ANKRD18A: variants seen among roughly 807,000 people sequenced by gnomAD.
The protein encoded by ANKRD18A is ankyrin repeat domain-containing protein 18A.
ANKRD18A carries 72 observed loss-of-function variants against 110.6 expected under a neutral mutation model. The observed-to-expected ratio is 0.65, with a 90% confidence interval of 0.54 to 0.79. The LOEUF (loss-of-function observed/expected upper bound fraction) is 0.79, where lower values mean the gene tolerates loss of function less well. ANKRD18A is among the 30% of genes least tolerant of loss of function. The pLI, the probability that ANKRD18A is intolerant of heterozygous loss-of-function variation, is 0.00. For missense variants in ANKRD18A, 934 were observed against 1,163.3 expected (o/e 0.80, Z 2.87); for synonymous variants, 305 against 410.3 (o/e 0.74, Z 3.10).
chr9:38,598,621 A>C lies in ANKRD18A; in HGVS notation c.937-2218T>G, dbSNP rs149882718. ...CATATCTTGCTGTAAGTCTTCTTCT[A>C]GACATGCTTTTGATGTTCTGTCATC... On this transcript the variant is annotated intron_variant, in intron 8 of 15. Coordinates refer to ENST00000399703, the MANE Select transcript of ANKRD18A (RefSeq NM_147195.4). Among the ~76,000 whole-genome samples, 819 of 152,314 alleles carry C rather than the reference A, an allele frequency of 5.4e-3. 7 individuals are homozygous for C. The highest frequency in any genetic ancestry group is 7.2e-3 in the Non-Finnish European group (487 of 68,008).
In ANKRD18A at chr9:38,620,180, G is replaced by T. The variant is rs1185520388; in HGVS notation, c.106C>A (p.Arg36=). ...PGYDIRDWEL[R]KIHRAAIKGD... is the part of the protein sequence containing the mutation. ...TTGATGGCAGCCCTGTGGATCTTCC[G>T]CAGTTCCCAGTCCCGAATGTCGTAA... Residue 36 remains arginine (R), a synonymous_variant, in exon 1 of 16, where the codon CGG becomes AGG. Transcript: ENST00000399703. 5.1e-6 allele frequency: 8 copies of T among 1,561,648 alleles called. No individual in the cohort carries two copies. The African/African-American group carries it at 6.8e-5, about 13-fold the overall frequency.
At chr9:38,567,267 A>G (rs1444707820), downstream of ANKRD18A, 1 of 152,228 alleles carries the variant, frequency 6.6e-6, no homozygotes. Context: ...CCGAGTTTCA[A>G]TTGAGAACAA....
chr9:38,594,082 G>A (rs1326650674), intron 9 of ANKRD18A, among the ~76,000 whole-genome samples, 173 bp from the exon 10 acceptor site: 1 of 152,272 alleles, frequency 6.6e-6, no homozygotes, highest in Non-Finnish European at 1.5e-5. Flanking sequence ...GGACATAGAA[G>A]GTGTTATATT....
chr9:38,592,972 G>C (rs115805555), intron 10 of ANKRD18A, among the ~76,000 whole-genome samples: 6,273 of 152,270 alleles, frequency 0.041, 210 homozygotes, highest in African/African-American at 0.094. Context: ...AGAGATGTAG[G>C]GTTGCTTTTC....
Position 38,620,194 on chromosome 9 carries a change from C to G in ANKRD18A, c.92G>C (p.Arg31Pro). Residue 31 changes from arginine to proline, a missense_variant, in exon 1 of 16, where the codon CGG becomes CCG. Around this residue, in one of 4 missense-constraint regions of ANKRD18A, gnomAD observed 630 missense variants for 797.5 expected, o/e 0.79. Coordinates refer to ENST00000399703, the MANE Select transcript of ANKRD18A (RefSeq NM_147195.4). ...QEYAGPGYDIRDWELRKIHRA... is the reference protein window; with the variant it reads ...QEYAGPGYDIPDWELRKIHRA... ...GTGGATCTTCCGCAGTTCCCAGTCC[C>G]GAATGTCGTAACCCGGACCCGCATA... 6.4e-7 allele frequency: 1 copy of G among 1,555,678 alleles called. No homozygotes were observed. The highest frequency in any genetic ancestry group is 8.7e-7 in the Non-Finnish European group (1 of 1,149,280).
chr9:38,567,295 C>T (rs1288261794), downstream of ANKRD18A: 1 of 152,194 alleles, frequency 6.6e-6, no homozygotes, highest in Non-Finnish European at 1.5e-5. Flanking sequence ...CTTGTACTAC[C>T]GCCAATACCT....
chr9:38,596,406 A>G lies in ANKRD18A; in HGVS notation c.937-3T>C. 7.0e-7 allele frequency: 1 copy of G among 1,433,886 alleles called. No individual in the cohort carries two copies. The highest frequency in any genetic ancestry group is 9.1e-7 in the Non-Finnish European group (1 of 1,093,226). 88.8% of individuals were successfully genotyped at this position (1,433,886 alleles called of 1,614,324 possible). On this transcript the variant is annotated splice_polypyrimidine_tract_variant and splice_region_variant and intron_variant, in intron 8 of 15. Coordinates refer to ENST00000399703, the MANE Select transcript of ANKRD18A (RefSeq NM_147195.4). ...TTTTTTCCGTAACTTTGAGAATCCT[A>G]AATAAAACAAAACAAATTTTTAGTT...
At chr9:38,612,880 C>A (rs1292878064) in intron 3 of ANKRD18A, among the ~76,000 whole-genome samples, 2 of 151,770 alleles carry the variant, frequency 1.3e-5, no homozygotes, top group East Asian at 3.9e-4. Flanking sequence ...TATTCATAAT[C>A]TATCCACTTC....
intron 13 of ANKRD18A, among the ~76,000 whole-genome samples, chr9:38,577,573 G>T (rs1823950977): frequency 6.6e-6 from 1 of 152,012 alleles, no homozygotes; most frequent in Admixed American, 6.6e-5. Flanking sequence ...CAATTCAAAA[G>T]TATCATATAA....
intron 5 of ANKRD18A, among the ~76,000 whole-genome samples, chr9:38,609,135 G>C (rs1825485733): frequency 6.6e-6 from 1 of 152,190 alleles, no homozygotes; most frequent in Non-Finnish European, 1.5e-5. Flanking sequence ...CTCGCTGCCA[G>C]AGCAGGGTGC....
rs1366214469 is a variant in ANKRD18A, at chr9:38,571,581, A to C, written c.*464T>G. Reference sequence around the variant, plus strand: ...GCTACAAGAAGAAAACCGTAACACTAGTATGGACAAACCTGGCAGATACTC... The same window carrying C: ...GCTACAAGAAGAAAACCGTAACACTCGTATGGACAAACCTGGCAGATACTC... On this transcript the variant is annotated 3_prime_UTR_variant, in exon 16 of 16. Coordinates refer to ENST00000399703, the MANE Select transcript of ANKRD18A (RefSeq NM_147195.4). The C allele has an allele frequency of 7.9e-6, 8 of 1,009,578 alleles. No individual in the cohort carries two copies. Among genetic ancestry groups the C allele is most frequent in the Non-Finnish European group, 9.5e-6 (8 of 844,988 alleles). 62.5% of individuals were successfully genotyped at this position (1,009,578 alleles called of 1,614,324 possible). A position where few individuals can be genotyped will look rare whatever the true frequency, so the allele number is the denominator to read the frequency against.
intron 15 of ANKRD18A, among the ~76,000 whole-genome samples, chr9:38,574,303 T>A (rs1324277149): frequency 1.3e-5 from 2 of 152,256 alleles, no homozygotes; most frequent in Admixed American, 1.3e-4. Flanking sequence ...ATTTTCAAAC[T>A]ACCTTGGGTG....
rs758505854 is a variant in ANKRD18A, at chr9:38,601,190, T to C, written c.877A>G (p.Lys293Glu). ...KERAKAEHNL[K>E]VASEEKQERL... Reference sequence around the variant, plus strand: ...TCTTGCTTTTCCTCTGAAGCCACTTTTAGGTTGTGTTCTGCTGACAAATCC... The same window carrying C: ...TCTTGCTTTTCCTCTGAAGCCACTTCTAGGTTGTGTTCTGCTGACAAATCC... Residue 293 changes from lysine (K) to glutamate (E), a missense_variant, in exon 8 of 16, where the codon AAA (lysine) becomes GAA (glutamate). By Grantham distance (56) the Lys-to-Glu change is moderately conservative (BLOSUM62 1). Coordinates refer to ENST00000399703, the MANE Select transcript of ANKRD18A (RefSeq NM_147195.4). The C allele has an allele frequency of 5.8e-6, 9 of 1,558,096 alleles. No homozygotes were observed. In the African/African-American group the frequency reaches 1.1e-4, roughly 19 times the overall value.
chr9:38,601,160 G>A lies in ANKRD18A; in HGVS notation c.907C>T (p.Leu303Phe). 6.4e-7 allele frequency: 1 copy of A among 1,559,592 alleles called. No individual in the cohort carries two copies. ...KVASEEKQER[L>F]QRSENKQPQD... ...GGCTGTTTATTTTCACTTCTTTGGA[G>A]CCTTTCTTGCTTTTCCTCTGAAGCC... The change falls in exon 8 of 16, where the codon CTC becomes TTC. Residue 303 changes from leucine (L) to phenylalanine (F), a missense_variant. Physicochemically the swap from Leu to Phe is conservative, Grantham distance 22. Around this residue, in one of 4 missense-constraint regions of ANKRD18A, gnomAD observed 630 missense variants for 797.5 expected, o/e 0.79. Transcript: ENST00000399703.
rs780646647 is a variant in ANKRD18A, at chr9:38,577,938, G to A, written c.2458C>T (p.Gln820Ter). ...EKDMVELGKL[Q>*]EYKSELDERA... ...TCATCCAGCTCCGATTTATATTCTT[G>A]TAGTTTACCAAGTTCTACCATATCT... Residue 820 changes from glutamine (Q) to a stop codon, truncating the protein, a stop_gained, in exon 13 of 16, where the codon CAA becomes TAA. Transcript: ENST00000399703. LOFTEE classifies it high-confidence loss of function. 1 of 1,593,848 alleles carries A rather than the reference G, an allele frequency of 6.3e-7. No homozygotes were observed. Among genetic ancestry groups the A allele is most frequent in the Admixed American group, 1.7e-5 (1 of 58,502 alleles).
chr9:38,577,767 G>C (rs1303398779), intron 13 of ANKRD18A, 100 bp downstream of exon 13: 5 of 1,318,716 alleles, frequency 3.8e-6, no homozygotes, highest in Non-Finnish European at 5.0e-6. Context: ...TGCTGTAAGA[G>C]AGGCAGAGGA....
chr9:38,566,201 A>T, the ANKRD18A span: 5 of 152,372 alleles, frequency 3.3e-5, no homozygotes, highest in African/African-American at 1.2e-4. Flanking sequence ...TGCAAAATAC[A>T]ATCATGCCTT....
Position 38,615,832 on chromosome 9 carries a change from T to C in ANKRD18A, c.322-65A>G, listed in dbSNP as rs545889156. ...GAATTCAAAATACATATTCCACAGGTTTCACCAACTAGCTATATTTAAATG... is the reference window on the plus strand; with the variant it reads ...GAATTCAAAATACATATTCCACAGGCTTCACCAACTAGCTATATTTAAATG... On this transcript the variant is annotated intron_variant, in intron 2 of 15. Coordinates refer to ENST00000399703, the MANE Select transcript of ANKRD18A (RefSeq NM_147195.4). The C allele has an allele frequency of 1.1e-3, 1,744 of 1,542,056 alleles. 29 individuals are homozygous for C. The South Asian group carries it at 0.018, about 16-fold the overall frequency.
intron 6 of ANKRD18A, among the ~76,000 whole-genome samples, chr9:38,605,148 C>A (rs1242094840): frequency 6.6e-6 from 1 of 152,178 alleles, no homozygotes; most frequent in South Asian, 2.1e-4. Flanking sequence ...ACAGTAAGCA[C>A]TATTTCAGGT....
Sources: gnomAD v4.1 joint callset for allele counts (sites outside exome capture counted in the v4.1 genomes callset) on GRCh38, gnomAD v4.1.1 for gene constraint, gnomAD v4.1.1 regional missense constraint, MANE v1.5 for transcripts, NCBI Gene and HGNC (gene_info 2026-07-23, HGNC 2026-07-21) for gene names.